The following LSM14A variants were observed in gnomAD, a reference collection of about 807,000 sequenced individuals.
LSM14A encodes LSM14A mRNA processing body assembly factor.
In LSM14A, 14 loss-of-function variants were observed where a neutral mutation model predicts 52.4. The ratio of observed to expected loss-of-function variants is 0.27; its 90% CI spans 0.18 to 0.42. The LOEUF is 0.42. LSM14A is among the 10% of genes least tolerant of loss of function. LSM14A has a pLI of 1.00. For missense variants in LSM14A, 417 were observed against 581.8 expected (o/e 0.72, Z 2.91); for synonymous variants, 185 against 200.3 (o/e 0.92, Z 0.64).
intron 1 of LSM14A, among the ~76,000 whole-genome samples, chr19:34,193,363 G>A (rs1157443815): frequency 6.6e-6 from 1 of 152,072 alleles, no homozygotes; most frequent in East Asian, 1.9e-4. Flanking sequence ...ACATCACTGT[G>A]TTGCTAGGGC....
intron 3 of LSM14A, among the ~76,000 whole-genome samples, chr19:34,205,487 C>CAAAAAAAAAAAAAAAAAA (rs140536208): frequency 1.1e-5 from 1 of 95,186 alleles, no homozygotes; most frequent in Admixed American, 1.2e-4. Flanking sequence ...CTCCATCTCA[C>CAAAAAAAAAAAAAAAAAA]AAAAAAAAAA....
chr19:34,220,921 A>G lies in LSM14A; in HGVS notation c.1137-586A>G, dbSNP rs117665846. 1.6e-4 allele frequency among the ~76,000 whole-genome samples: 24 copies of G among 152,202 alleles called. No homozygotes were observed. In the East Asian group the frequency reaches 1.9e-3, roughly 12 times the overall value. On this transcript the variant is annotated intron_variant, in intron 8 of 9. Coordinates refer to ENST00000544216, the MANE Select transcript of LSM14A (RefSeq NM_015578.4). ...AGCGAAGTCAATTACCAATCTCATT[A>G]TATCTGAATTTCCATTATTTTGGAG...
intron 2 of LSM14A, 141 bp downstream of exon 2, chr19:34,194,782 C>T: frequency 2.6e-6 from 2 of 755,720 alleles, no homozygotes; most frequent in Non-Finnish European, 4.5e-6. Flanking sequence ...ATAATGTTCT[C>T]ATCTAGGTTT....
At chr19:34,210,398 T>C (rs553265225) in intron 4 of LSM14A, among the ~76,000 whole-genome samples, 1 of 151,810 alleles carries the variant, frequency 6.6e-6, no homozygotes, top group East Asian at 2.0e-4. Flanking sequence ...CCCTCCCAAA[T>C]AGCTGGGATT....
intron 1 of LSM14A, among the ~76,000 whole-genome samples, chr19:34,192,632 C>CAAAAAAAAAAAAAAAAAAAAAAAA (rs548374017): frequency 3.9e-5 from 3 of 76,952 alleles, no homozygotes; most frequent in Admixed American, 1.8e-4. Flanking sequence ...ATCAGTTCTG[C>CAAAAAAAAAAAAAAAAAAAAAAAA]AAAAAAAAAA....
rs1161596013 is a variant in LSM14A at position 34,219,512 on chromosome 19, A to C, written c.903A>C (p.Ala301=). The C allele has an allele frequency of 6.2e-7, 1 of 1,614,022 alleles. No homozygotes were observed. The highest frequency in any genetic ancestry group is 8.5e-7 in the Non-Finnish European group (1 of 1,179,918). ...AGAAAGACTTTGACTTTGAAAGTGC[A>C]AATGCACAATTCAACAAGGAAGAGA... ...KFEKDFDFES[A]NAQFNKEEID... is the part of the protein sequence containing the mutation. Residue 301 remains alanine, a synonymous_variant, in exon 7 of 10, where the codon GCA becomes GCC. Transcript: ENST00000544216.
At chr19:34,208,538 T>C (rs943190817) in intron 3 of LSM14A, 1 of 155,730 alleles carries the variant, frequency 6.4e-6, no homozygotes, top group Non-Finnish European at 1.4e-5. Context: ...ACCTGTCTGC[T>C]GATTTGGCTG....
rs574838622 is a variant in LSM14A, at chr19:34,212,233, G to C, written c.539-2891G>C. Among the ~76,000 whole-genome samples the C allele has an allele frequency of 2.0e-5, 3 of 152,302 alleles. No homozygotes were observed. The East Asian group carries it at 5.8e-4, about 29-fold the overall frequency. ...CTATCAGCTTGAGAGGCTGAAGCTA[G>C]AGGATTGCTTGAGCCCAGGAGGTTA... On this transcript the variant is annotated intron_variant, in intron 4 of 9. Coordinates refer to ENST00000544216, the MANE Select transcript of LSM14A (RefSeq NM_015578.4).
intron 1 of LSM14A, among the ~76,000 whole-genome samples, chr19:34,183,218 G>A (rs1279174954): frequency 1.3e-5 from 2 of 152,112 alleles, no homozygotes; most frequent in African/African-American, 4.8e-5. Flanking sequence ...CCTTCCTGTT[G>A]ATAAATCCTA....
chr19:34,187,197 C>T (rs905581270), intron 1 of LSM14A, among the ~76,000 whole-genome samples: 4 of 150,220 alleles, frequency 2.7e-5, no homozygotes, highest in South Asian at 2.1e-4. Context: ...TGCGGTGAGA[C>T]GAGATCGCGC....
intron 6 of LSM14A, 130 bp from the exon 7 acceptor site, chr19:34,219,260 TA>T: frequency 2.1e-6 from 1 of 482,480 alleles, no homozygotes; most frequent in Non-Finnish European, 3.6e-6. Context: ...ACAAATACAA[TA>T]AAATATATAG....
At chr19:34,220,198 G>A (rs1450809438) in intron 8 of LSM14A, among the ~76,000 whole-genome samples, 2 of 151,992 alleles carry the variant, frequency 1.3e-5, no homozygotes, top group African/African-American at 2.4e-5. Flanking sequence ...GTGAACTCCT[G>A]GCCTCAAGAT....
chr19:34,224,636 T>C (rs2073245322), intron 9 of LSM14A, among the ~76,000 whole-genome samples: 1 of 152,244 alleles, frequency 6.6e-6, no homozygotes, highest in Admixed American at 6.5e-5. Context: ...TTGTAGTCCC[T>C]GCTCTTCTTA....
rs1306000214 is a variant in LSM14A, at chr19:34,192,316, G to GTTTTTTTTTTTTTTTTTTTTTTTTTTT, written c.122-2160_122-2159insTTTTTTTTTTTTTTTTTTTTTTTTTTT. ...TTTACACTGAAATAACATTCTTTTT[G>GTTTTTTTTTTTTTTTTTTTTTTTTTTT]TTGTTTTTTTTTTTTTTTTTTTTTT... On this transcript the variant is annotated intron_variant, in intron 1 of 9. Coordinates refer to ENST00000544216, the MANE Select transcript of LSM14A (RefSeq NM_015578.4). Among the ~76,000 whole-genome samples, 24 of 65,774 alleles carry GTTTTTTTTTTTTTTTTTTTTTTTTTTT rather than the reference G, an allele frequency of 3.6e-4. 1 individual carries two copies. The highest frequency in any genetic ancestry group is 5.8e-4 in the Non-Finnish European group (20 of 34,548). 43.2% of individuals were successfully genotyped at this position (65,774 alleles called of 152,430 possible).
chr19:34,181,961 G>A (rs2069512150), intron 1 of LSM14A, among the ~76,000 whole-genome samples: 1 of 152,006 alleles, frequency 6.6e-6, no homozygotes, highest in Admixed American at 6.6e-5. Context: ...ATTCTAGTTG[G>A]TAAGACCAAA....
intron 9 of LSM14A, chr19:34,226,508 T>G: frequency 6.8e-7 from 1 of 1,463,012 alleles, no homozygotes. Flanking sequence ...GTTGGCTTTG[T>G]GGGGGACAGC....
chr19:34,176,037 A>C (rs1160796213), intron 1 of LSM14A, among the ~76,000 whole-genome samples: 4 of 152,032 alleles, frequency 2.6e-5, no homozygotes, highest in Non-Finnish European at 5.9e-5. Context: ...TTGAGTAGAG[A>C]CGGGGTTTCA....
At chr19:34,225,716 TAACAAATCCAA>T (rs2145910962) in intron 9 of LSM14A, among the ~76,000 whole-genome samples, 1 of 152,290 alleles carries the variant, frequency 6.6e-6, no homozygotes, top group South Asian at 2.1e-4. Context: ...AGGTACAAGC[TAACAAATCCAA>T]AACTCACTCT....
chr19:34,187,330 G>A (rs2069997877), intron 1 of LSM14A, among the ~76,000 whole-genome samples: 1 of 150,752 alleles, frequency 6.6e-6, no homozygotes, highest in South Asian at 2.1e-4. Flanking sequence ...TGAGGCTGTA[G>A]TGTAGTGGTG....
Sources: gnomAD v4.1 joint callset for allele counts (sites outside exome capture counted in the v4.1 genomes callset) on GRCh38, gnomAD v4.1.1 for gene constraint, MANE v1.5 for transcripts, NCBI Gene and HGNC (gene_info 2026-07-23, HGNC 2026-07-21) for gene names.